RARB: variants seen among roughly 807,000 people sequenced by gnomAD.
RARB encodes the protein HBV-activated protein.
Under a neutral mutation model 51.9 loss-of-function variants are expected in RARB, and 17 were observed. That is an observed-to-expected ratio of 0.33 (90% confidence interval 0.22 to 0.49). The LOEUF (loss-of-function observed/expected upper bound fraction) is 0.49, where lower values mean the gene tolerates loss of function less well. RARB is among the 20% of genes least tolerant of loss of function. The pLI, the probability that RARB is intolerant of heterozygous loss-of-function variation, is 0.99. For synonymous variants in RARB, 215 were observed against 195.4 expected (o/e 1.10, Z -0.84); for missense variants, 369 against 550.8 (o/e 0.67, Z 3.30).
intron 2 of RARB, among the ~76,000 whole-genome samples, chr3:25,057,587 C>T (rs1698464983): frequency 6.6e-6 from 1 of 151,928 alleles, no homozygotes; most frequent in African/African-American, 2.4e-5. Context: ...AAAGACTTGG[C>T]ATAGGAAAGA....
intron 5 of RARB, among the ~76,000 whole-genome samples, chr3:25,395,686 C>G (rs183243310): frequency 2.6e-4 from 39 of 152,220 alleles, no homozygotes; most frequent in Non-Finnish European, 4.0e-4. Context: ...TTGTTCAACT[C>G]TACTGTTGAA....
chr3:25,140,625 C>A (rs1700093447), intron 4 of RARB, among the ~76,000 whole-genome samples: 1 of 152,118 alleles, frequency 6.6e-6, no homozygotes, highest in African/African-American at 2.4e-5. Flanking sequence ...TTAGAATATT[C>A]CATAAACTTA....
chr3:25,572,341 T>C (rs1331942176), intron 4 of RARB, among the ~76,000 whole-genome samples: 1 of 152,228 alleles, frequency 6.6e-6, no homozygotes, highest in Non-Finnish European at 1.5e-5. Flanking sequence ...GAGCATTTAC[T>C]ATGTACTAGG....
chr3:25,591,910 C>T (rs1406526911), intron 5 of RARB, among the ~76,000 whole-genome samples: 1 of 152,102 alleles, frequency 6.6e-6, no homozygotes, highest in Admixed American at 6.5e-5. Flanking sequence ...ATTTAGAGAA[C>T]CCAAAAGCAT....
intron 5 of RARB, chr3:25,260,030 C>T (rs1464416421): frequency 7.2e-6 from 7 of 977,646 alleles, no homozygotes; most frequent in Non-Finnish European, 8.5e-6. Context: ...TCCCCTTTCT[C>T]CTTCCCCCAT....
intron 4 of RARB, among the ~76,000 whole-genome samples, chr3:25,163,487 A>G (rs950416302): frequency 4.1e-5 from 6 of 147,250 alleles, no homozygotes; most frequent in Admixed American, 2.0e-4. Context: ...CCTGAGCAGA[A>G]TAAGACCCTA....
In RARB at chr3:25,407,413, G is replaced by A. The variant is rs574300288; in HGVS notation, c.179-53780G>A. Among the ~76,000 whole-genome samples the A allele has an allele frequency of 2.6e-5, 4 of 152,256 alleles. No homozygotes were observed. The South Asian group carries it at 8.3e-4, about 32-fold the overall frequency. ...ATAATCCTTACCTTGAATGATGCTA[G>A]GGAGGACACTTCACATTTACAAGAG... On this transcript the variant is annotated intron_variant, in intron 5 of 11. Transcript: ENST00000383772.
intron 2 of RARB, among the ~76,000 whole-genome samples, chr3:25,043,353 C>T (rs1005798016): frequency 6.6e-6 from 1 of 152,342 alleles, no homozygotes; most frequent in Admixed American, 6.5e-5. Flanking sequence ...TGCATTCTTA[C>T]ACCAGTGACT....
intron 5 of RARB, among the ~76,000 whole-genome samples, chr3:25,272,801 T>C (rs527641062): frequency 6.6e-6 from 1 of 152,308 alleles, no homozygotes; most frequent in African/African-American, 2.4e-5. Flanking sequence ...TACAGGAGAC[T>C]CCGGTTTGAT....
At chr3:25,560,525 C>T (rs1700228546) in intron 3 of RARB, among the ~76,000 whole-genome samples, 1 of 152,150 alleles carries the variant, frequency 6.6e-6, no homozygotes, top group African/African-American at 2.4e-5. Flanking sequence ...AGGACATGAG[C>T]GTGGCCATAA....
At position 25,303,800 on chromosome 3, in the gene RARB, A is replaced by G. The variant is rs143029293; in HGVS notation, c.178+129225A>G. On this transcript the variant is annotated intron_variant, in intron 5 of 11. Coordinates refer to the RARB transcript ENST00000383772. The stretch of plus-strand genomic sequence containing the variant: ...GTAGAGCCACAGCCAGCCGGGCAGA[A>G]TGTTTTTATTTTATTTTGCTTGGTC... 7.2e-3 allele frequency among the ~76,000 whole-genome samples: 1,097 copies of G among 152,280 alleles called. 16 individuals carry two copies. The highest frequency in any genetic ancestry group is 0.025 in the African/African-American group (1,035 of 41,558).
intron 6 of RARB, among the ~76,000 whole-genome samples, chr3:25,593,993 T>C (rs1701716881): frequency 1.3e-5 from 2 of 152,280 alleles, no homozygotes; most frequent in Admixed American, 1.3e-4. Flanking sequence ...AAATGAATTG[T>C]CTGGGGACAT....
intron 5 of RARB, among the ~76,000 whole-genome samples, chr3:25,331,232 G>A (rs941122239): frequency 2.6e-5 from 4 of 152,128 alleles, no homozygotes; most frequent in African/African-American, 9.7e-5. Context: ...ATTCATCTCA[G>A]CACCACATCG....
intron 5 of RARB, among the ~76,000 whole-genome samples, chr3:25,198,215 G>A (rs1348847358): frequency 6.6e-6 from 1 of 151,964 alleles, no homozygotes; most frequent in Non-Finnish European, 1.5e-5. Context: ...AAAACTGGAT[G>A]TCCACATGCA....
chr3:25,447,615 G>A (rs1709006016), intron 1 of RARB, among the ~76,000 whole-genome samples: 1 of 152,178 alleles, frequency 6.6e-6, no homozygotes, highest in Non-Finnish European at 1.5e-5. Flanking sequence ...GCAATTGAAG[G>A]CTCTCCAATG....
chr3:25,113,056 T>G (rs1699629852), intron 3 of RARB, among the ~76,000 whole-genome samples: 1 of 152,182 alleles, frequency 6.6e-6, no homozygotes, highest in Non-Finnish European at 1.5e-5. Flanking sequence ...ACTTGCTGTT[T>G]ATTTGGAAAT....
At chr3:25,007,894 T>C (rs1165861663) in intron 2 of RARB, among the ~76,000 whole-genome samples, 1 of 152,082 alleles carries the variant, frequency 6.6e-6, no homozygotes, top group Admixed American at 6.6e-5. Context: ...GCTCGCTTTA[T>C]ACCCACAGGG....
intron 2 of RARB, among the ~76,000 whole-genome samples, chr3:25,494,453 G>A (rs1427635078): frequency 6.6e-6 from 1 of 152,104 alleles, no homozygotes; most frequent in Non-Finnish European, 1.5e-5. Flanking sequence ...TAACTCCTTT[G>A]AATTCCTAAG....
chr3:25,554,301 C>T (rs1013854989), intron 3 of RARB, among the ~76,000 whole-genome samples: 3 of 151,568 alleles, frequency 2.0e-5, no homozygotes, highest in African/African-American at 4.9e-5. Flanking sequence ...TTATTTTCTT[C>T]CCTAAGTTTG....
Sources: allele counts gnomAD v4.1 joint callset (sites outside exome capture counted in the v4.1 genomes callset), GRCh38; gene constraint gnomAD v4.1.1; transcripts MANE v1.5; gene names NCBI Gene and HGNC (gene_info 2026-07-23, HGNC 2026-07-21).